JAKMIP3: variants seen among roughly 807,000 people sequenced by gnomAD.
JAKMIP3 encodes the protein janus kinase and microtubule-interacting protein 3.
A neutral mutation model predicts 118.5 loss-of-function variants in JAKMIP3; 58 were observed. That is an observed-to-expected ratio of 0.49 (90% confidence interval 0.40 to 0.61). The LOEUF (loss-of-function observed/expected upper bound fraction) is 0.61, where lower values mean the gene tolerates loss of function less well. Ranked by LOEUF, JAKMIP3 falls within the 20% of genes least tolerant of loss-of-function variation. JAKMIP3 has a pLI of 0.00. For synonymous variants in JAKMIP3, 486 were observed against 451.2 expected (o/e 1.08, Z -0.98); for missense variants, 950 against 1,109.0 (o/e 0.86, Z 2.04).
chr10:132,103,175 G>C (rs917634189), intron 1 of JAKMIP3, among the ~76,000 whole-genome samples: 2 of 151,998 alleles, frequency 1.3e-5, no homozygotes, highest in Non-Finnish European at 2.9e-5. Context: ...AAGAGGGAAA[G>C]GTGCTTTTTT....
At chr10:132,102,983 G>C (rs1346089778) in intron 1 of JAKMIP3, among the ~76,000 whole-genome samples, 1 of 151,354 alleles carries the variant, frequency 6.6e-6, no homozygotes, top group African/African-American at 2.4e-5. Flanking sequence ...AGTGTTCACC[G>C]GGAGAGGAGA....
Position 132,159,423 on chromosome 10 carries a change from G to T in JAKMIP3, c.2221-3786G>T, listed in dbSNP as rs1274997482. On this transcript the variant is annotated intron_variant, in intron 19 of 23. Transcript: ENST00000684848. ...ACTGAGGGGGCCTATTCCTGTGGAT[G>T]CCGGGGGTGTGTTTTTTCTGCGTGA... Among the ~76,000 whole-genome samples the T allele has an allele frequency of 1.4e-4, 12 of 86,122 alleles. No individual in the cohort carries two copies. In the Admixed American group the frequency reaches 1.8e-3, roughly 13 times the overall value. The allele number at this position is 86,122 out of a possible 152,430, so 56.5% of individuals were successfully genotyped here.
intron 2 of JAKMIP3, among the ~76,000 whole-genome samples, chr10:132,111,886 G>A (rs936051463): frequency 2.6e-5 from 4 of 152,166 alleles, no homozygotes; most frequent in South Asian, 2.1e-4. Context: ...TCAGAGGTCC[G>A]TGCCATGGCT....
At chr10:132,162,511 G>A (rs1181290486) in intron 19 of JAKMIP3, among the ~76,000 whole-genome samples, 1 of 152,230 alleles carries the variant, frequency 6.6e-6, no homozygotes, top group Non-Finnish European at 1.5e-5. Flanking sequence ...AGCTGGTTGT[G>A]ACAGCTGGGG....
rs1283859966 is a variant in JAKMIP3 at position 132,153,148 on chromosome 10, C to T, written c.2073+125C>T. 5.7e-6 allele frequency: 4 copies of T among 706,978 alleles called. No homozygotes were observed. The Admixed American group carries it at 6.7e-5, about 12-fold the overall frequency. The allele number at this position is 706,978 out of a possible 1,614,324, so 43.8% of individuals were successfully genotyped here. On this transcript the variant is annotated intron_variant, in intron 17 of 23. Transcript: ENST00000684848. The stretch of plus-strand genomic sequence containing the variant: ...GGCCGGGTTTGGGGGGTCCACTAAG[C>T]CCCGTCTGCCCTGGGAGATCTGACA...
intron 1 of JAKMIP3, among the ~76,000 whole-genome samples, chr10:132,054,633 G>T (rs964026373): frequency 6.6e-6 from 1 of 152,230 alleles, no homozygotes; most frequent in Admixed American, 6.5e-5. Flanking sequence ...ACAGAGGCAG[G>T]ATTAGTGCCA....
At chr10:132,119,742 G>C (rs917394458) in intron 3 of JAKMIP3, among the ~76,000 whole-genome samples, 1 of 152,082 alleles carries the variant, frequency 6.6e-6, no homozygotes, top group African/African-American at 2.4e-5. Context: ...AAGAACTGTT[G>C]GAATTTTGGG....
chr10:132,170,889 C>G (rs906599666), intron 23 of JAKMIP3, among the ~76,000 whole-genome samples: 1 of 152,182 alleles, frequency 6.6e-6, no homozygotes, highest in African/African-American at 2.4e-5. Flanking sequence ...GAGTGAGCCT[C>G]GAATGCTAGA....
chr10:132,043,985 T>G (rs1288821736), intron 1 of JAKMIP3, among the ~76,000 whole-genome samples: 1 of 152,234 alleles, frequency 6.6e-6, no homozygotes, highest in Non-Finnish European at 1.5e-5. Flanking sequence ...GATCCCAGCA[T>G]GGTCCCAAAA....
At chr10:132,098,314 G>A (rs10870247) in intron 1 of JAKMIP3, among the ~76,000 whole-genome samples, 92,986 of 151,834 alleles carry the variant, frequency 0.61, 28,737 homozygotes, top group East Asian at 0.71. Context: ...CTCAGCCACT[G>A]TGCCCAGCCA....
chr10:132,073,552 A>C (rs1158103423), intron 1 of JAKMIP3, among the ~76,000 whole-genome samples: 1 of 146,816 alleles, frequency 6.8e-6, no homozygotes, highest in Admixed American at 7.0e-5. Flanking sequence ...GCAGAAGTGC[A>C]GTGATGCGAT....
chr10:132,073,531 C>CT (rs1186623673), intron 1 of JAKMIP3, among the ~76,000 whole-genome samples: 1 of 141,104 alleles, frequency 7.1e-6, no homozygotes, highest in Non-Finnish European at 1.5e-5. Flanking sequence ...GGATCTTGCT[C>CT]TGTTGCCCAG....
rs868839621 is a variant in JAKMIP3, at chr10:132,180,612, T to G, written c.*1104-1745T>G. 2.6e-4 allele frequency among the ~76,000 whole-genome samples: 6 copies of G among 23,212 alleles called. 1 individual carries two copies. The highest frequency in any genetic ancestry group is 9.4e-4 in the African/African-American group (5 of 5,342). The allele number at this position is 23,212 out of a possible 152,430, so 15.2% of individuals were successfully genotyped here. On this transcript the variant is annotated intron_variant, in intron 23 of 23. Transcript: ENST00000684848. ...GTGTGTGTGTGCGTGCGCGTGTGTG[T>G]GTGCGTGTGTGTGCGTGTGTGCGTG...
At chr10:132,180,560 T>TGTGTGCGTGTGC (rs1565018419) in intron 23 of JAKMIP3, among the ~76,000 whole-genome samples, 3 of 51,808 alleles carry the variant, frequency 5.8e-5, no homozygotes, top group African/African-American at 3.6e-4. Context: ...CGTGCATGCG[T>TGTGTGCGTGTGC]GTGTGTGCGT....
At chr10:132,150,087 C>A (rs1273595203) in intron 16 of JAKMIP3, 46 bp downstream of exon 16, 14 of 1,485,686 alleles carry the variant, frequency 9.4e-6, no homozygotes, top group Middle Eastern at 1.7e-4. Flanking sequence ...ACCCACAACC[C>A]CCAGCCCAGC....
intron 1 of JAKMIP3, among the ~76,000 whole-genome samples, chr10:132,073,541 G>A (rs904559094): frequency 1.3e-5 from 2 of 148,390 alleles, no homozygotes; most frequent in African/African-American, 5.0e-5. Flanking sequence ...CTGTTGCCCA[G>A]GCAGAAGTGC....
At chr10:132,048,723 G>A (rs1256295795) in intron 1 of JAKMIP3, among the ~76,000 whole-genome samples, 2 of 138,798 alleles carry the variant, frequency 1.4e-5, no homozygotes, top group Admixed American at 7.9e-5. Flanking sequence ...AGAGTGCTCC[G>A]CCTCCCGGGT....
chr10:132,156,283 C>T (rs1564976485), intron 19 of JAKMIP3, among the ~76,000 whole-genome samples: 1 of 152,188 alleles, frequency 6.6e-6, no homozygotes, highest in Non-Finnish European at 1.5e-5. Context: ...CCTTATCCTC[C>T]TCCATCCTGC....
At chr10:132,125,127 C>T (rs555716584) in intron 3 of JAKMIP3, among the ~76,000 whole-genome samples, 5 of 152,308 alleles carry the variant, frequency 3.3e-5, no homozygotes, top group Non-Finnish European at 5.9e-5. Flanking sequence ...TGTGTGTGTC[C>T]GGTTTGGACA....
Sources: gnomAD v4.1 joint callset for allele counts (sites outside exome capture counted in the v4.1 genomes callset) on GRCh38, gnomAD v4.1.1 for gene constraint, MANE v1.5 for transcripts, NCBI Gene and HGNC (gene_info 2026-07-23, HGNC 2026-07-21) for gene names.